GALNT17: variants seen among roughly 807,000 people sequenced by gnomAD.
GALNT17 encodes UDP-GalNAc:polypeptide N-acetylgalactosaminyltransferase-like 3.
Under a neutral mutation model 63.7 loss-of-function variants are expected in GALNT17, and 29 were observed. That is an observed-to-expected ratio of 0.46 (90% CI 0.34 to 0.62). GALNT17 has a LOEUF of 0.62. Among genes scored for constraint, GALNT17 ranks in the 20% least tolerant of loss-of-function variants. The pLI is 0.01. For missense variants in GALNT17, 603 were observed against 799.6 expected (o/e 0.75, Z 2.97); for synonymous variants, 305 against 318.3 (o/e 0.96, Z 0.45).
chr7:71,391,736 C>G (rs1426596741), intron 3 of GALNT17, among the ~76,000 whole-genome samples: 2 of 152,142 alleles, frequency 1.3e-5, no homozygotes, highest in Non-Finnish European at 1.5e-5. Context: ...ATCCTCCTGC[C>G]TCAGCCTCCC....
chr7:71,259,638 G>GTTTTTTTTTTTTTTT (rs1219751607), intron 1 of GALNT17, among the ~76,000 whole-genome samples: 23 of 137,998 alleles, frequency 1.7e-4, no homozygotes, highest in African/African-American at 2.0e-4. Context: ...TTTGTTTTTT[G>GTTTTTTTTTTTTTTT]TTTTTTTGTT....
chr7:71,582,418 CA>C (rs551430762), intron 6 of GALNT17, among the ~76,000 whole-genome samples: 19,677 of 116,630 alleles, frequency 0.17, 1,395 homozygotes, highest in African/African-American at 0.23. Context: ...ATTAAAAATA[CA>C]AAAAAAAAAA....
chr7:71,370,563 C>T (rs943271513), intron 2 of GALNT17, among the ~76,000 whole-genome samples: 28 of 152,114 alleles, frequency 1.8e-4, no homozygotes, highest in Admixed American at 1.6e-3. Context: ...CGGCTCACTG[C>T]AACCTCTGCC....
chr7:71,450,163 T>C (rs1264463767), intron 5 of GALNT17, among the ~76,000 whole-genome samples: 1 of 145,946 alleles, frequency 6.9e-6, no homozygotes, highest in Non-Finnish European at 1.5e-5. Context: ...TTTGAGACAG[T>C]CTTTCTCTGT....
chr7:71,555,769 G>GCC (rs781318557), intron 5 of GALNT17, among the ~76,000 whole-genome samples: 1 of 152,324 alleles, frequency 6.6e-6, no homozygotes, highest in East Asian at 1.9e-4. Flanking sequence ...CCAGCAGTGA[G>GCC]CCCCACGGCT....
In GALNT17 at chr7:71,637,489, A is replaced by ATT. The variant is rs78580954; in HGVS notation, c.1081-27908_1081-27907dup. ...CAGGCGTGAGCCACCGCACCTGGCC[A>ATT]TTTTTTTTTTTTTTTAGCCATCAAG... On this transcript the variant is annotated intron_variant, in intron 6 of 10. Coordinates refer to ENST00000333538, the MANE Select transcript of GALNT17 (RefSeq NM_022479.3). 7.3e-4 allele frequency among the ~76,000 whole-genome samples: 105 copies of ATT among 143,858 alleles called. 2 individuals carry two copies. Among genetic ancestry groups the ATT allele is most frequent in the African/African-American group, 1.2e-3 (46 of 39,354 alleles). 94.4% of individuals were successfully genotyped at this position (143,858 alleles called of 152,430 possible).
chr7:71,144,781 G>A (rs370037689), intron 1 of GALNT17, among the ~76,000 whole-genome samples: 2 of 152,250 alleles, frequency 1.3e-5, no homozygotes. Flanking sequence ...ACAGGCTGGA[G>A]TGCAGTGGCA....
intron 5 of GALNT17, among the ~76,000 whole-genome samples, chr7:71,501,353 C>T (rs750600463): frequency 2.0e-5 from 3 of 152,158 alleles, no homozygotes; most frequent in Non-Finnish European, 4.4e-5. Context: ...CAGCCTCAAA[C>T]TCCTGGCCTC....
At chr7:71,206,932 C>G (rs186559744) in intron 1 of GALNT17, among the ~76,000 whole-genome samples, 2 of 152,040 alleles carry the variant, frequency 1.3e-5, no homozygotes, top group East Asian at 3.9e-4. Flanking sequence ...AGTGAAACCC[C>G]GTCTTTACTA....
At chr7:71,481,901 C>T (rs1358762232) in intron 5 of GALNT17, among the ~76,000 whole-genome samples, 3 of 152,078 alleles carry the variant, frequency 2.0e-5, no homozygotes, top group Admixed American at 2.0e-4. Flanking sequence ...ATTTCCCCTT[C>T]CTGGCTGTCT....
intron 2 of GALNT17, among the ~76,000 whole-genome samples, chr7:71,345,459 C>A (rs566952823): frequency 3.3e-5 from 5 of 152,270 alleles, no homozygotes; most frequent in Non-Finnish European, 7.4e-5. Context: ...TCTCCTCTTT[C>A]TTTCAGCACA....
chr7:71,290,660 C>T (rs892850074), intron 1 of GALNT17, among the ~76,000 whole-genome samples: 6 of 152,186 alleles, frequency 3.9e-5, no homozygotes, highest in African/African-American at 1.4e-4. Context: ...TCGACAAAAG[C>T]ATCAGTATTG....
chr7:71,496,355 G>T (rs1788093699), intron 5 of GALNT17, among the ~76,000 whole-genome samples: 1 of 152,096 alleles, frequency 6.6e-6, no homozygotes. Context: ...TTACTCTGGT[G>T]GGGGTGGGGA....
rs1584056362 is a variant in GALNT17 at position 71,567,881 on chromosome 7, T to G, written c.963-3404T>G. The stretch of plus-strand genomic sequence containing the variant: ...TGCTTGTGCCACCACTGAAGGTGAA[T>G]GAAGAGGCTCATCCACTGCTGCCTC... On this transcript the variant is annotated intron_variant, in intron 5 of 10. Transcript: ENST00000333538. 2.6e-5 allele frequency among the ~76,000 whole-genome samples: 4 copies of G among 152,318 alleles called. 1 individual carries two copies. Among genetic ancestry groups the G allele is most frequent in the Admixed American group, 2.6e-4 (4 of 15,298 alleles).
chr7:71,525,784 G>C lies in GALNT17; in HGVS notation c.963-45501G>C, dbSNP rs1032453728. Among the ~76,000 whole-genome samples the C allele has an allele frequency of 1.4e-5, 2 of 139,844 alleles. 1 individual carries two copies. The allele number at this position is 139,844 out of a possible 152,430, so 91.7% of individuals were successfully genotyped here. ...AGATGGTGTCTTGCTCTATCGCCCA[G>C]GCTGGAGTGCAGTGGCATGATCTTG... On this transcript the variant is annotated intron_variant, in intron 5 of 10. Coordinates refer to ENST00000333538, the MANE Select transcript of GALNT17 (RefSeq NM_022479.3).
intron 1 of GALNT17, among the ~76,000 whole-genome samples, chr7:71,193,454 C>CTTTTTTTTTTTT (rs1159902249): frequency 9.3e-6 from 1 of 107,318 alleles, no homozygotes; most frequent in East Asian, 2.9e-4. Context: ...ACGCTTTTGT[C>CTTTTTTTTTTTT]TTTTTTTTTT....
intron 1 of GALNT17, among the ~76,000 whole-genome samples, chr7:71,152,937 T>A: frequency 6.6e-6 from 1 of 152,134 alleles, no homozygotes. Context: ...AGTTCACGTT[T>A]TCATTAGAGA....
chr7:71,174,324 G>A (rs1387304181), intron 1 of GALNT17, among the ~76,000 whole-genome samples: 1 of 152,176 alleles, frequency 6.6e-6, no homozygotes, highest in African/African-American at 2.4e-5. Flanking sequence ...GGCCATGACC[G>A]CACATTGGCA....
Position 71,436,752 on chromosome 7 carries a change from G to A in GALNT17, c.962+15647G>A, listed in dbSNP as rs544506021. Among the ~76,000 whole-genome samples the A allele has an allele frequency of 2.0e-5, 3 of 151,936 alleles. No individual in the cohort carries two copies. The South Asian group carries it at 6.2e-4, about 32-fold the overall frequency. On this transcript the variant is annotated intron_variant, in intron 5 of 10. Coordinates refer to ENST00000333538, the MANE Select transcript of GALNT17 (RefSeq NM_022479.3). Reference sequence around the variant, plus strand: ...AATAAAAAATAAAACAAAAATAAATGTATCCATGTTTCCACACTTTCGAGA... The same window carrying A: ...AATAAAAAATAAAACAAAAATAAATATATCCATGTTTCCACACTTTCGAGA...
Sources: allele counts gnomAD v4.1 joint callset (sites outside exome capture counted in the v4.1 genomes callset), GRCh38; gene constraint gnomAD v4.1.1; transcripts MANE v1.5; gene names NCBI Gene and HGNC (gene_info 2026-07-23, HGNC 2026-07-21).